Variants in PTPRD observed in about 807,000 individuals in gnomAD.
PTPRD encodes the protein protein tyrosine phosphatase receptor type D.
In PTPRD, 34 loss-of-function variants were observed where a neutral mutation model predicts 214.5. The ratio of observed to expected loss-of-function variants is 0.16; its 90% CI spans 0.12 to 0.21. The LOEUF (loss-of-function observed/expected upper bound fraction) is 0.21. PTPRD is among the 10% of genes least tolerant of loss of function. The probability of loss-of-function intolerance (pLI) is 1.00; values close to 1 mark genes in which losing one functional copy is unlikely to be tolerated. For missense variants in PTPRD, 2,545 were observed against 2,398.7 expected, an observed-to-expected ratio of 1.06 and a Z score of -1.27; for synonymous variants, 1,128 against 845.7, an observed-to-expected ratio of 1.33 and a Z score of -5.79.
intron 10 of PTPRD, among the ~76,000 whole-genome samples, chr9:9,024,356 T>TTG (rs57088881): frequency 0.28 from 41,907 of 147,090 alleles, 7,306 homozygotes; most frequent in Non-Finnish European, 0.38. Context: ...TTGTTTGTTT[T>TTG]TTTTTTTTTC....
intron 7 of PTPRD, among the ~76,000 whole-genome samples, chr9:9,613,215 T>C (rs1177012860): frequency 3.5e-5 from 5 of 142,902 alleles, no homozygotes; most frequent in African/African-American, 5.3e-5. Context: ...TTGAAAACTG[T>C]GAAATCATTT....
At chr9:9,477,167 G>C (rs1172347536) in intron 8 of PTPRD, among the ~76,000 whole-genome samples, 2 of 152,168 alleles carry the variant, frequency 1.3e-5, no homozygotes, top group African/African-American at 4.8e-5. Flanking sequence ...TTATACCCAG[G>C]ACTGTCTGAC....
intron 36 of PTPRD, among the ~76,000 whole-genome samples, chr9:8,399,259 A>G (rs1042718827): frequency 1.3e-5 from 2 of 152,150 alleles, no homozygotes; most frequent in African/African-American, 4.8e-5. Context: ...TAAGAAAACA[A>G]CGAAAGACTC....
intron 10 of PTPRD, among the ~76,000 whole-genome samples, chr9:9,099,422 T>G (rs2099788237): frequency 1.3e-5 from 2 of 152,170 alleles, no homozygotes; most frequent in Non-Finnish European, 2.9e-5. Flanking sequence ...CTTGAATAAG[T>G]GTCTGTGGAC....
chr9:8,711,479 T>C (rs2098331407), intron 12 of PTPRD, among the ~76,000 whole-genome samples: 1 of 152,142 alleles, frequency 6.6e-6, no homozygotes, highest in Admixed American at 6.5e-5. Flanking sequence ...ACAACTAATA[T>C]GAAGCATAAT....
intron 10 of PTPRD, among the ~76,000 whole-genome samples, chr9:9,059,508 A>T (rs1380165657): frequency 1.3e-5 from 2 of 152,214 alleles, no homozygotes; most frequent in Admixed American, 6.5e-5. Flanking sequence ...AGGAACCATG[A>T]ATGGACACAG....
At position 8,859,181 on chromosome 9, in the gene PTPRD, A is replaced by G. The variant is rs571057147; in HGVS notation, c.-103-125235T>C. 1.1e-3 allele frequency among the ~76,000 whole-genome samples: 175 copies of G among 152,328 alleles called. 1 individual carries two copies. Among genetic ancestry groups the G allele is most frequent in the Middle Eastern group, 6.8e-3 (2 of 294 alleles). On this transcript the variant is annotated intron_variant, in intron 11 of 45. Transcript: ENST00000381196. Reference sequence around the variant, plus strand: ...TACTGAACCAAAATCTTAGTGTGATAACTTGTTTTGCTTTCATGCCACTTG... The same window carrying G: ...TACTGAACCAAAATCTTAGTGTGATGACTTGTTTTGCTTTCATGCCACTTG...
chr9:9,097,719 C>T (rs2099785653), intron 10 of PTPRD, among the ~76,000 whole-genome samples: 1 of 152,122 alleles, frequency 6.6e-6, no homozygotes, highest in South Asian at 2.1e-4. Context: ...CAAATCCTCT[C>T]TGAAGGAAAT....
chr9:9,655,842 G>T (rs1020349892), intron 7 of PTPRD, among the ~76,000 whole-genome samples: 5 of 151,988 alleles, frequency 3.3e-5, no homozygotes, highest in Non-Finnish European at 7.4e-5. Flanking sequence ...GCTGGGCGTG[G>T]TGGGAGGTGC....
At chr9:10,178,538 A>T (rs933452298) in intron 3 of PTPRD, among the ~76,000 whole-genome samples, 1 of 152,002 alleles carries the variant, frequency 6.6e-6, no homozygotes, top group Non-Finnish European at 1.5e-5. Flanking sequence ...TAATTGAGGA[A>T]ATACGGATTT....
intron 5 of PTPRD, among the ~76,000 whole-genome samples, chr9:9,903,305 A>G (rs1297056459): frequency 6.6e-6 from 1 of 152,108 alleles, no homozygotes; most frequent in Non-Finnish European, 1.5e-5. Flanking sequence ...GTAGTATTTT[A>G]AGCTATTACT....
At chr9:10,271,076 G>T (rs190777884) in intron 3 of PTPRD, among the ~76,000 whole-genome samples, 8 of 151,826 alleles carry the variant, frequency 5.3e-5, no homozygotes, top group Non-Finnish European at 1.0e-4. Context: ...CTTTTGTTTC[G>T]GCCTCCCAAA....
At chr9:8,604,488 T>C (rs1237889435) in intron 14 of PTPRD, among the ~76,000 whole-genome samples, 1 of 152,092 alleles carries the variant, frequency 6.6e-6, no homozygotes, top group African/African-American at 2.4e-5. Flanking sequence ...TTACATCAGA[T>C]AAGGGTAAGT....
At chr9:8,541,596 T>G (rs1182018667) in intron 14 of PTPRD, among the ~76,000 whole-genome samples, 1 of 152,118 alleles carries the variant, frequency 6.6e-6, no homozygotes, top group African/African-American at 2.4e-5. Context: ...AAACTCCTCC[T>G]GGGTTCAAGT....
intron 11 of PTPRD, among the ~76,000 whole-genome samples, chr9:8,935,870 C>A (rs986855974): frequency 2.6e-5 from 4 of 152,098 alleles, no homozygotes; most frequent in African/African-American, 4.8e-5. Context: ...GGGGTTACAT[C>A]ACCAATTTGA....
intron 3 of PTPRD, among the ~76,000 whole-genome samples, chr9:10,291,981 A>G (rs184743880): frequency 6.6e-6 from 1 of 152,160 alleles, no homozygotes; most frequent in East Asian, 1.9e-4. Flanking sequence ...TTTTTGCTGA[A>G]GTTACTGGAC....
chr9:9,937,479 A>G (rs2089969218), intron 5 of PTPRD, among the ~76,000 whole-genome samples: 3 of 151,746 alleles, frequency 2.0e-5, no homozygotes, highest in Non-Finnish European at 4.4e-5. Context: ...ATATTTTATA[A>G]ATTTTATACA....
chr9:9,752,767 T>A (rs2098533474), intron 6 of PTPRD, among the ~76,000 whole-genome samples: 1 of 152,044 alleles, frequency 6.6e-6, no homozygotes, highest in African/African-American at 2.4e-5. Context: ...TCGTTTTACA[T>A]TGTTTAGAAG....
chr9:9,276,283 C>T (rs1452180604), intron 9 of PTPRD, among the ~76,000 whole-genome samples: 1 of 151,322 alleles, frequency 6.6e-6, no homozygotes, highest in Admixed American at 6.6e-5. Flanking sequence ...GATTCTTTAA[C>T]TAAGAGAGCA....
Sources: gnomAD v4.1 joint callset for allele counts (sites outside exome capture counted in the v4.1 genomes callset) on GRCh38, gnomAD v4.1.1 for gene constraint, MANE v1.5 for transcripts, NCBI Gene and HGNC (gene_info 2026-07-23, HGNC 2026-07-21) for gene names.